The following MRPS27 variants were observed in gnomAD, a reference collection of about 807,000 sequenced individuals.
MRPS27 encodes the protein mitochondrial ribosomal protein S27.
A neutral mutation model predicts 48.9 loss-of-function variants in MRPS27; 43 were observed. The ratio of observed to expected loss-of-function variants is 0.88; its 90% CI spans 0.69 to 1.13. MRPS27 has a LOEUF of 1.13. Ranked by LOEUF, MRPS27 falls within the 50% of genes most tolerant of loss-of-function variation. The pLI, the probability that MRPS27 is intolerant of heterozygous loss-of-function variation, is 0.00. For synonymous variants in MRPS27, 188 were observed against 171.9 expected (o/e 1.09, Z -0.73); for missense variants, 467 against 476.3 (o/e 0.98, Z 0.18).
intron 9 of MRPS27, among the ~76,000 whole-genome samples, 157 bp downstream of exon 9, chr5:72,225,900 A>G (rs1054774495): frequency 6.6e-6 from 1 of 152,068 alleles, no homozygotes; most frequent in African/African-American, 2.4e-5. Flanking sequence ...GGAGCATTGA[A>G]AATGTTTGTG....
intron 4 of MRPS27, among the ~76,000 whole-genome samples, chr5:72,253,811 C>CT (rs147229901): frequency 2.0e-5 from 3 of 152,160 alleles, no homozygotes; most frequent in South Asian, 2.1e-4. Context: ...TGTAATACAT[C>CT]TTTTTTTCCT....
rs937019433 is a variant in MRPS27, at chr5:72,223,129, G to T, written c.1005+554C>A. ...CATTTTGGGATGTACAGAGTTAGAA[G>T]CTACCAAAGGTAGCTTGAGTGCTCA... On this transcript the variant is annotated intron_variant, in intron 10 of 10. Coordinates refer to ENST00000261413, the MANE Select transcript of MRPS27 (RefSeq NM_015084.3). Among the ~76,000 whole-genome samples the T allele has an allele frequency of 2.6e-5, 4 of 152,222 alleles. No homozygotes were observed. The East Asian group carries it at 7.7e-4, about 29-fold the overall frequency.
intron 4 of MRPS27, among the ~76,000 whole-genome samples, chr5:72,279,619 A>G (rs543085681): frequency 2.0e-5 from 3 of 150,792 alleles, no homozygotes; most frequent in African/African-American, 7.5e-5. Context: ...GCATTAAATA[A>G]CAACAACAAC....
Position 72,222,947 on chromosome 5 carries a change from C to A in MRPS27, c.1005+736G>T, listed in dbSNP as rs556010477. Among the ~76,000 whole-genome samples, 8 of 152,210 alleles carry A rather than the reference C, an allele frequency of 5.3e-5. No homozygotes were observed. The East Asian group carries it at 1.3e-3, about 26-fold the overall frequency. ...ACATCTTATCAGTACCAAAATGACA[C>A]AAGTTACACAAAACAAGTGGGAAAG... On this transcript the variant is annotated intron_variant, in intron 10 of 10. Coordinates refer to ENST00000261413, the MANE Select transcript of MRPS27 (RefSeq NM_015084.3).
chr5:72,319,932 T>C, intron 1 of MRPS27: 1 of 600,186 alleles, frequency 1.7e-6, no homozygotes, highest in Non-Finnish European at 3.0e-6. Flanking sequence ...CTATATAACC[T>C]TCCACTGCTC....
intron 4 of MRPS27, among the ~76,000 whole-genome samples, chr5:72,272,903 A>G (rs942821240): frequency 1.3e-5 from 2 of 152,216 alleles, no homozygotes; most frequent in Non-Finnish European, 2.9e-5. Flanking sequence ...GTAGGTATTG[A>G]CACTGGGTAA....
intron 2 of MRPS27, among the ~76,000 whole-genome samples, chr5:72,305,277 G>A (rs982142204): frequency 6.6e-6 from 1 of 152,164 alleles, no homozygotes; most frequent in Non-Finnish European, 1.5e-5. Context: ...AAAATGAATA[G>A]ATGCCACAGA....
intron 4 of MRPS27, among the ~76,000 whole-genome samples, chr5:72,257,173 T>C (rs560636280): frequency 6.6e-6 from 1 of 152,306 alleles, no homozygotes; most frequent in East Asian, 1.9e-4. Flanking sequence ...CATATAACTG[T>C]ACACATGCCA....
chr5:72,265,571 T>C (rs146682351), intron 4 of MRPS27, among the ~76,000 whole-genome samples: 162 of 152,332 alleles, frequency 1.1e-3, no homozygotes, highest in African/African-American at 3.8e-3. Flanking sequence ...TCTCAAAATA[T>C]GTGACATCAA....
At chr5:72,256,135 T>A (rs1748799250) in intron 4 of MRPS27, among the ~76,000 whole-genome samples, 1 of 152,234 alleles carries the variant, frequency 6.6e-6, no homozygotes, top group Non-Finnish European at 1.5e-5. Context: ...ATTTTGATAA[T>A]CAAATGTCAC....
intron 10 of MRPS27, 44 bp from the exon 11 acceptor site, chr5:72,221,192 TGAGA>T: frequency 6.3e-7 from 1 of 1,598,110 alleles, no homozygotes; most frequent in Non-Finnish European, 8.5e-7. Flanking sequence ...GGTAGAGAAG[TGAGA>T]GAAAGATACA....
intron 10 of MRPS27, among the ~76,000 whole-genome samples, chr5:72,221,658 A>T (rs1747744876): frequency 6.6e-6 from 1 of 152,248 alleles, no homozygotes; most frequent in Admixed American, 6.5e-5. Context: ...GCCCAACCAT[A>T]CATGTGCCTT....
chr5:72,298,558 T>A (rs1000418031), intron 2 of MRPS27, among the ~76,000 whole-genome samples: 1 of 151,446 alleles, frequency 6.6e-6, no homozygotes, highest in Admixed American at 6.6e-5. Flanking sequence ...TACAAAAAAT[T>A]AGCCGGGCGC....
chr5:72,295,164 G>A (rs1376071605), intron 4 of MRPS27, among the ~76,000 whole-genome samples: 1 of 152,096 alleles, frequency 6.6e-6, no homozygotes, highest in Non-Finnish European at 1.5e-5. Context: ...TACCTTGCTA[G>A]TGGGAATGTA....
At position 72,295,571 on chromosome 5, in the gene MRPS27, A is replaced by C; in HGVS notation, c.241T>G (p.Ser81Ala). ...TCTGCATGATCTATCTCTTCCCGAG[A>C]GGAAATGTTGTCTATAAGCTAAAAG... ...TISRLIDNISSREEIDHAEYY... is the reference protein window; with the variant it reads ...TISRLIDNISAREEIDHAEYY... Residue 81 changes from serine to alanine, a missense_variant, in exon 4 of 11, where the codon TCT becomes GCT. By Grantham distance (99) the Ser-to-Ala change is moderately conservative (BLOSUM62 1). Transcript: ENST00000261413. The C allele has an allele frequency of 6.2e-7, 1 of 1,610,700 alleles. No homozygotes were observed. The highest frequency in any genetic ancestry group is 8.5e-7 in the Non-Finnish European group (1 of 1,177,040).
intron 2 of MRPS27, among the ~76,000 whole-genome samples, chr5:72,309,456 G>C (rs1750379239): frequency 6.6e-6 from 1 of 152,090 alleles, no homozygotes; most frequent in African/African-American, 2.4e-5. Context: ...TAGAGGCGGG[G>C]TTTCACCATG....
At chr5:72,284,690 T>C (rs1258000400) in intron 4 of MRPS27, among the ~76,000 whole-genome samples, 1 of 152,218 alleles carries the variant, frequency 6.6e-6, no homozygotes, top group Non-Finnish European at 1.5e-5. Context: ...TGTACACACA[T>C]ACATATATAC....
At chr5:72,280,377 T>TA (rs1439691085) in intron 4 of MRPS27, among the ~76,000 whole-genome samples, 1 of 152,144 alleles carries the variant, frequency 6.6e-6, no homozygotes, top group Admixed American at 6.5e-5. Context: ...AGAAACACAC[T>TA]AAAAACAAGT....
chr5:72,249,218 T>C (rs560798424), intron 4 of MRPS27, among the ~76,000 whole-genome samples: 2 of 152,364 alleles, frequency 1.3e-5, no homozygotes, highest in South Asian at 4.1e-4. Context: ...TATACCTATA[T>C]GAAATTACTT....
Sources: allele counts gnomAD v4.1 joint callset (sites outside exome capture counted in the v4.1 genomes callset), GRCh38; gene constraint gnomAD v4.1.1; transcripts MANE v1.5; gene names NCBI Gene and HGNC (gene_info 2026-07-23, HGNC 2026-07-21).